The following TSHZ1 variants were observed in gnomAD, a reference collection of about 807,000 sequenced individuals.
TSHZ1 encodes the protein teashirt homolog 1.
TSHZ1 carries 12 observed loss-of-function variants against 67.1 expected under a neutral mutation model. That is an observed-to-expected ratio of 0.18 (90% CI 0.11 to 0.29). The LOEUF (loss-of-function observed/expected upper bound fraction) is 0.29. Ranked by LOEUF, TSHZ1 falls within the 10% of genes least tolerant of loss-of-function variation. The pLI is 1.00. For synonymous variants in TSHZ1, 632 were observed against 622.4 expected, an observed-to-expected ratio of 1.02 and a Z score of -0.23; for missense variants, 1,305 against 1,413.9, an observed-to-expected ratio of 0.92 and a Z score of 1.23.
intron 1 of TSHZ1, among the ~76,000 whole-genome samples, chr18:75,243,974 TA>T (rs2023190348): frequency 6.6e-6 from 1 of 152,064 alleles, no homozygotes; most frequent in Non-Finnish European, 1.5e-5. Context: ...GGAAACAGTA[TA>T]AAAAAATACA....
intron 1 of TSHZ1, among the ~76,000 whole-genome samples, chr18:75,229,471 T>C (rs2022969125): frequency 6.6e-6 from 1 of 152,222 alleles, no homozygotes. Flanking sequence ...GCTCACTGAC[T>C]TGTTCACGTC....
chr18:75,245,517 G>C (rs1253385021), intron 1 of TSHZ1: 1 of 152,220 alleles, frequency 6.6e-6, no homozygotes, highest in Non-Finnish European at 1.5e-5. Context: ...AAAAGGAAAA[G>C]GTCAGGCTTT....
rs1052905519 is a variant in TSHZ1 at position 75,211,490 on chromosome 18, G to C, written c.-387G>C. ...CGCCCGGAGCGGCGCGCCGGGAGGA[G>C]CGCCCGCCCAGCAGCAGCGCGGCGG... On this transcript the variant is annotated 5_prime_UTR_variant, in exon 1 of 2. Coordinates refer to ENST00000580243, the MANE Select transcript of TSHZ1 (RefSeq NM_001308210.2). The C allele has an allele frequency of 6.8e-6, 1 of 147,644 alleles. No individual in the cohort carries two copies. The highest frequency in any genetic ancestry group is 1.5e-5 in the Non-Finnish European group (1 of 66,532). The allele number at this position is 147,644 out of a possible 1,614,324, so 9.1% of individuals were successfully genotyped here. A position where few individuals can be genotyped will look rare whatever the true frequency, so the allele number is the denominator to read the frequency against.
chr18:75,288,272 G>A lies in TSHZ1; in HGVS notation c.2865G>A (p.Gly955=). The A allele has an allele frequency of 1.2e-6, 2 of 1,614,180 alleles. No individual in the cohort carries two copies. The highest frequency in any genetic ancestry group is 1.6e-4 in the Middle Eastern group (1 of 6,062). The change falls in exon 2 of 2, where the codon GGG becomes GGA. Residue 955 remains glycine, a synonymous_variant. Transcript: ENST00000580243. This position sits in a 1 kb window ranked among gnomAD's most constrained non-coding sequence, Gnocchi z 4.9. The stretch of plus-strand genomic sequence containing the variant: ...TGAAGTACCAGTTGAGGAGGACAGG[G>A]GGAACGAAATTCCTAAAGAACCTGG... The part of the protein sequence containing the change: ...ANVKYQLRRT[G]GTKFLKNLDT...
chr18:75,287,592 A>G lies in TSHZ1; in HGVS notation c.2185A>G (p.Asn729Asp). 6.2e-7 allele frequency: 1 copy of G among 1,614,214 alleles called. No homozygotes were observed. Among genetic ancestry groups the G allele is most frequent in the Non-Finnish European group, 8.5e-7 (1 of 1,180,038 alleles). The change falls in exon 2 of 2, where the codon AAC becomes GAC. Residue 729 changes from asparagine (N) to aspartate (D), a missense_variant. Asn to Asp is a conservative substitution (Grantham distance 23). Coordinates refer to ENST00000580243, the MANE Select transcript of TSHZ1 (RefSeq NM_001308210.2). This position sits in a 1 kb window ranked among gnomAD's most constrained non-coding sequence, Gnocchi z 5.0. ...AGCAAAGGTCACCAACGGCTGTAAC[A>G]ACCTGGGGATCATCATGGACCACTC... Reference protein sequence around the residue: ...LKAKVTNGCNNLGIIMDHSPE... With the variant: ...LKAKVTNGCNDLGIIMDHSPE...
At position 75,274,488 on chromosome 18, in the gene TSHZ1, G is replaced by A. The variant is rs185390494; in HGVS notation, c.41-10960G>A. Among the ~76,000 whole-genome samples the A allele has an allele frequency of 3.3e-5, 5 of 152,160 alleles. No homozygotes were observed. In the East Asian group the frequency reaches 7.7e-4, roughly 24 times the overall value. On this transcript the variant is annotated intron_variant, in intron 1 of 1. Coordinates refer to ENST00000580243, the MANE Select transcript of TSHZ1 (RefSeq NM_001308210.2). The stretch of plus-strand genomic sequence containing the variant: ...AGATTGTATTCATTCCCCTGGTAAA[G>A]GATATTCTGATAGGTTAATCACTAG...
At position 75,285,495 on chromosome 18, in the gene TSHZ1, C is replaced by A. The variant is rs572698442; in HGVS notation, c.88C>A (p.His30Asn). ...GAAGGCAGCAGAAATAGATGAAGAG[C>A]ACGTGGAGGATGACGGGCTGTCTTT... The part of the protein sequence containing the change: ...ELKAAEIDEE[H>N]VEDDGLSLDI... Residue 30 changes from histidine (H) to asparagine (N), a missense_variant, in exon 2 of 2, where the codon CAC becomes AAC. His to Asn is a moderately conservative substitution (Grantham distance 68). This residue lies in a region of TSHZ1 where 358 missense variants were observed against 375.6 expected (regional missense o/e 0.95). Transcript: ENST00000580243. 2.5e-5 allele frequency: 38 copies of A among 1,520,408 alleles called. No homozygotes were observed. The East Asian group carries it at 8.0e-4, about 32-fold the overall frequency. 94.2% of individuals were successfully genotyped at this position (1,520,408 alleles called of 1,614,324 possible). A position where few individuals can be genotyped will look rare whatever the true frequency, so the allele number is the denominator to read the frequency against.
At chr18:75,227,851 T>C (rs1012361722) in intron 1 of TSHZ1, among the ~76,000 whole-genome samples, 5 of 152,196 alleles carry the variant, frequency 3.3e-5, no homozygotes, top group African/African-American at 4.8e-5. Context: ...GCTAATTTAT[T>C]TTTGCAGCCA....
rs932010776 is a variant in TSHZ1, at chr18:75,289,142, C to G, written c.*501C>G. 6.0e-6 allele frequency: 1 copy of G among 165,898 alleles called. No homozygotes were observed. Among genetic ancestry groups the G allele is most frequent in the Admixed American group, 6.6e-5 (1 of 15,172 alleles). The allele number at this position is 165,898 out of a possible 1,614,324, so 10.3% of individuals were successfully genotyped here. ...ATCAAAAGCTGTGTCAGACACAAAA[C>G]TTATTTAATAATTAAAAAATGAGCT... On this transcript the variant is annotated 3_prime_UTR_variant, in exon 2 of 2. Coordinates refer to ENST00000580243, the MANE Select transcript of TSHZ1 (RefSeq NM_001308210.2).
At chr18:75,237,266 A>C (rs563576536) in intron 1 of TSHZ1, among the ~76,000 whole-genome samples, 66 of 152,306 alleles carry the variant, frequency 4.3e-4, no homozygotes, top group Admixed American at 1.1e-3. Context: ...TCATGCCTAT[A>C]ATCCTAGCAT....
chr18:75,277,919 G>C (rs2023634473), intron 1 of TSHZ1, among the ~76,000 whole-genome samples: 1 of 152,122 alleles, frequency 6.6e-6, no homozygotes, highest in Non-Finnish European at 1.5e-5. Flanking sequence ...GGAAACCGAG[G>C]TCCCAAGGAG....
chr18:75,260,709 C>G (rs2023420242), intron 1 of TSHZ1, among the ~76,000 whole-genome samples: 1 of 152,122 alleles, frequency 6.6e-6, no homozygotes, highest in African/African-American at 2.4e-5. Flanking sequence ...TGGGAGTTTC[C>G]TGGATGCTCC....
rs1325228194 is a variant in TSHZ1, at chr18:75,288,287, A to G, written c.2880A>G (p.Leu960=). The G allele has an allele frequency of 1.9e-6, 3 of 1,614,064 alleles. No homozygotes were observed. The highest frequency in any genetic ancestry group is 1.7e-5 in the Admixed American group (1 of 60,008). ...QLRRTGGTKF[L]KNLDTGHPVF... ...GGAGGACAGGGGGAACGAAATTCCT[A>G]AAGAACCTGGACACAGGGCATCCTG... Residue 960 remains leucine (L), a synonymous_variant, in exon 2 of 2, where the codon CTA becomes CTG. Coordinates refer to ENST00000580243, the MANE Select transcript of TSHZ1 (RefSeq NM_001308210.2). The surrounding 1 kb of genome is among the most constrained non-coding windows in gnomAD (Gnocchi z 4.9).
chr18:75,227,008 C>T (rs919719626), intron 1 of TSHZ1, among the ~76,000 whole-genome samples: 2 of 152,144 alleles, frequency 1.3e-5, no homozygotes, highest in East Asian at 3.9e-4. Flanking sequence ...ACACACAAGC[C>T]CCCGGCTCTG....
chr18:75,270,121 G>A (rs2023539978), intron 1 of TSHZ1, among the ~76,000 whole-genome samples: 1 of 152,164 alleles, frequency 6.6e-6, no homozygotes, highest in Admixed American at 6.5e-5. Flanking sequence ...ATGGCCCATT[G>A]CGGCATTATG....
chr18:75,226,514 C>T (rs553260024), intron 1 of TSHZ1, among the ~76,000 whole-genome samples: 2 of 151,754 alleles, frequency 1.3e-5, no homozygotes, highest in South Asian at 2.1e-4. Context: ...TAGCACATTT[C>T]GCCATTACTG....
chr18:75,231,138 C>T (rs573587094), intron 1 of TSHZ1, among the ~76,000 whole-genome samples: 76 of 152,198 alleles, frequency 5.0e-4, no homozygotes, highest in Non-Finnish European at 9.8e-4. Context: ...GTGGGCCTGA[C>T]AGGCTCTGGG....
intron 1 of TSHZ1, among the ~76,000 whole-genome samples, chr18:75,275,912 CTTTAT>C (rs1465015215): frequency 1.3e-5 from 2 of 152,202 alleles, no homozygotes; most frequent in African/African-American, 4.8e-5. Context: ...GCTGTTCTCA[CTTTAT>C]TTTAACTTCT....
At chr18:75,226,764 C>G (rs1036712006) in intron 1 of TSHZ1, among the ~76,000 whole-genome samples, 1 of 152,210 alleles carries the variant, frequency 6.6e-6, no homozygotes, top group East Asian at 1.9e-4. Context: ...GGGGCCAGGC[C>G]GGGCCTTGGG....
Sources: allele counts gnomAD v4.1 joint callset (sites outside exome capture counted in the v4.1 genomes callset), GRCh38; gene constraint gnomAD v4.1.1; regional missense constraint gnomAD v4.1.1; non-coding constraint Gnocchi (gnomAD v3.1); transcripts MANE v1.5; gene names NCBI Gene and HGNC (gene_info 2026-07-23, HGNC 2026-07-21).